Variants in GCNT2 observed in about 807,000 individuals in gnomAD.
GCNT2 encodes glucosaminyl (N-acetyl) transferase 2 (I blood group), also known as N-acetyllactosaminide beta-1,6-N-acetylglucosaminyl-transferase.
In GCNT2, 34 loss-of-function variants were observed where a neutral mutation model predicts 34.2. That is an observed-to-expected ratio of 1.00 (90% confidence interval 0.76 to 1.32). The LOEUF is 1.32. Ranked by LOEUF, GCNT2 falls within the 40% of genes most tolerant of loss-of-function variation. The pLI, the probability that GCNT2 is intolerant of heterozygous loss-of-function variation, is 0.00. For missense variants in GCNT2, 584 were observed against 489.4 expected (o/e 1.19, Z -1.82); for synonymous variants, 212 against 188.0 (o/e 1.13, Z -1.04).
At chr6:10,566,423 G>C (rs916904819) in intron 3 of GCNT2, among the ~76,000 whole-genome samples, 1 of 152,060 alleles carries the variant, frequency 6.6e-6, no homozygotes, top group African/African-American at 2.4e-5. Flanking sequence ...TCTGCCTCCC[G>C]AGTAGTTGGG....
At chr6:10,549,046 C>T (rs11965131) in intron 3 of GCNT2, among the ~76,000 whole-genome samples, 5,423 of 152,218 alleles carry the variant, frequency 0.036, 311 homozygotes, top group African/African-American at 0.12. Context: ...AGTGTGCCAC[C>T]GCGCCCAGCG....
chr6:10,543,785 A>G (rs773642346), intron 3 of GCNT2, among the ~76,000 whole-genome samples: 3 of 152,186 alleles, frequency 2.0e-5, no homozygotes, highest in African/African-American at 7.2e-5. Context: ...TCTTTGAATT[A>G]AGATTGTTGC....
intron 3 of GCNT2, among the ~76,000 whole-genome samples, chr6:10,598,567 G>C (rs1764954989): frequency 6.6e-6 from 1 of 152,196 alleles, no homozygotes; most frequent in Non-Finnish European, 1.5e-5. Context: ...GGCAGTGTGT[G>C]GGGGTGATTT....
chr6:10,604,022 T>C (rs1765203731), intron 3 of GCNT2, among the ~76,000 whole-genome samples: 1 of 151,630 alleles, frequency 6.6e-6, no homozygotes, highest in Non-Finnish European at 1.5e-5. Flanking sequence ...CAGCCTCCCA[T>C]GTAGCTGGGA....
intron 3 of GCNT2, among the ~76,000 whole-genome samples, chr6:10,580,591 AG>A (rs1459840602): frequency 6.6e-6 from 1 of 151,652 alleles, no homozygotes; most frequent in Non-Finnish European, 1.5e-5. Flanking sequence ...TGGAGATGAG[AG>A]GACTCATCAA....
At chr6:10,555,895 A>C (rs560605815) in intron 3 of GCNT2, 1 of 998,172 alleles carries the variant, frequency 1.0e-6, no homozygotes, top group Non-Finnish European at 1.2e-6. Context: ...CTGAGAGGCC[A>C]GGCTGTGGAT....
chr6:10,561,878 C>A (rs1479719590), intron 3 of GCNT2, among the ~76,000 whole-genome samples: 6 of 151,726 alleles, frequency 4.0e-5, no homozygotes, highest in Non-Finnish European at 8.8e-5. Flanking sequence ...ATCACATGAT[C>A]CCATTTCCTC....
intron 3 of GCNT2, among the ~76,000 whole-genome samples, chr6:10,551,451 A>T (rs931886167): frequency 1.0e-4 from 15 of 144,166 alleles, no homozygotes; most frequent in East Asian, 1.0e-3. Context: ...TTATTAATTT[A>T]TTTTTTTTTT....
Position 10,544,880 on chromosome 6 carries a change from G to A in GCNT2, c.925+15044G>A, listed in dbSNP as rs373378721. Among the ~76,000 whole-genome samples, 33 of 152,002 alleles carry A rather than the reference G, an allele frequency of 2.2e-4. No individual in the cohort carries two copies. The East Asian group carries it at 6.2e-3, about 29-fold the overall frequency. On this transcript the variant is annotated intron_variant, in intron 3 of 4. Coordinates refer to ENST00000495262, the MANE Select transcript of GCNT2 (RefSeq NM_145649.5). ...GAATCACTGGAAACCGGGAGGCAGA[G>A]GTTGCAGTGAGCTGAGATTGTGCCA...
rs553172605 is a variant in GCNT2 at position 10,534,201 on chromosome 6, A to G, written c.925+4365A>G. Among the ~76,000 whole-genome samples, 129 of 135,146 alleles carry G rather than the reference A, an allele frequency of 9.5e-4. 1 individual carries two copies. The highest frequency in any genetic ancestry group is 3.1e-3 in the African/African-American group (113 of 35,916). 88.7% of individuals were successfully genotyped at this position (135,146 alleles called of 152,430 possible). ...CTGTCACCCAGGCTGGAGTGCAGTG[A>G]TGTCATCTTGGCTCACTGCAACCTC... On this transcript the variant is annotated intron_variant, in intron 3 of 4. Coordinates refer to ENST00000495262, the MANE Select transcript of GCNT2 (RefSeq NM_145649.5).
intron 1 of GCNT2, among the ~76,000 whole-genome samples, chr6:10,523,739 G>A (rs985068662): frequency 2.4e-4 from 37 of 152,218 alleles, no homozygotes; most frequent in Non-Finnish European, 4.6e-4. Flanking sequence ...TTGGGAGGCC[G>A]GGGTGGGCGG....
chr6:10,529,366 T>G lies in GCNT2; in HGVS notation c.455T>G (p.Leu152Arg). The G allele has an allele frequency of 6.2e-7, 1 of 1,614,140 alleles. No homozygotes were observed. Residue 152 changes from leucine to arginine, a missense_variant, in exon 3 of 5, where the codon CTG (leucine) becomes CGG (arginine). Physicochemically the swap from Leu to Arg is moderately radical, Grantham distance 102. Coordinates refer to ENST00000495262, the MANE Select transcript of GCNT2 (RefSeq NM_145649.5). Reference protein sequence around the residue: ...QLLSCFPNAFLASKKESVVYG... With the variant: ...QLLSCFPNAFRASKKESVVYG... ...CTCAGCTGCTTCCCAAATGCTTTTC[T>G]GGCTTCCAAGAAGGAGTCGGTTGTC...
intron 3 of GCNT2, among the ~76,000 whole-genome samples, chr6:10,594,849 T>C (rs1036677652): frequency 2.0e-5 from 3 of 148,986 alleles, no homozygotes; most frequent in African/African-American, 7.3e-5. Context: ...TGGATACCAG[T>C]TCCTTTTTTT....
At chr6:10,606,239 C>T (rs1376211723) in intron 3 of GCNT2, among the ~76,000 whole-genome samples, 6 of 152,170 alleles carry the variant, frequency 3.9e-5, no homozygotes, top group Non-Finnish European at 8.8e-5. Flanking sequence ...CGCTTGAACC[C>T]AGGAGGCAGA....
intron 4 of GCNT2, among the ~76,000 whole-genome samples, chr6:10,623,046 C>T (rs1766107232): frequency 1.3e-5 from 2 of 151,956 alleles, no homozygotes; most frequent in Admixed American, 1.3e-4. Context: ...AGCTACTGCG[C>T]CCGGCCCCAT....
chr6:10,550,342 T>A (rs1238353099), intron 3 of GCNT2, among the ~76,000 whole-genome samples: 1 of 151,402 alleles, frequency 6.6e-6, no homozygotes, highest in Admixed American at 6.6e-5. Context: ...GGCCTAACAT[T>A]TTTTTTTTCT....
intron 3 of GCNT2, among the ~76,000 whole-genome samples, chr6:10,582,349 G>C (rs1262840531): frequency 1.0e-5 from 1 of 98,734 alleles, no homozygotes; most frequent in African/African-American, 6.1e-5. Context: ...ATAATATATA[G>C]TAATATTAAA....
chr6:10,561,326 C>G lies in GCNT2; in HGVS notation c.925+31490C>G, dbSNP rs1581407829. 3.9e-5 allele frequency among the ~76,000 whole-genome samples: 6 copies of G among 152,248 alleles called. No individual in the cohort carries two copies. The South Asian group carries it at 1.2e-3, about 32-fold the overall frequency. On this transcript the variant is annotated intron_variant, in intron 3 of 4. Coordinates refer to ENST00000495262, the MANE Select transcript of GCNT2 (RefSeq NM_145649.5). ...TACAGGCATGTGCCACCATGCCTGG[C>G]TAATTTTGTATTTTTAGTAGAGACG...
At chr6:10,523,026 G>A (rs1022127725) in intron 1 of GCNT2, among the ~76,000 whole-genome samples, 2 of 152,200 alleles carry the variant, frequency 1.3e-5, no homozygotes, top group Admixed American at 6.5e-5. Context: ...AAACGCAGGC[G>A]GAAAGTGCCT....
Sources: gnomAD v4.1 joint callset for allele counts (sites outside exome capture counted in the v4.1 genomes callset) on GRCh38, gnomAD v4.1.1 for gene constraint, MANE v1.5 for transcripts, NCBI Gene and HGNC (gene_info 2026-07-23, HGNC 2026-07-21) for gene names.